The following CCNH variants were observed in gnomAD, a reference collection of about 807,000 sequenced individuals.
The protein encoded by CCNH is cyclin-H.
CCNH carries 31 observed loss-of-function variants against 41.9 expected under a neutral mutation model. The observed-to-expected ratio is 0.74, with a 90% CI of 0.56 to 1.00. The LOEUF (loss-of-function observed/expected upper bound fraction) is 1.00, where lower values mean the gene tolerates loss of function less well. Ranked by LOEUF, CCNH falls within the 50% of genes least tolerant of loss-of-function variation. CCNH has a pLI of 0.00. For synonymous variants in CCNH, 138 were observed against 136.1 expected (o/e 1.01, Z -0.10); for missense variants, 362 against 388.4 (o/e 0.93, Z 0.57).
downstream of CCNH, chr5:87,374,033 C>A (rs1761137758): frequency 1.3e-6 from 1 of 775,790 alleles, no homozygotes; most frequent in South Asian, 5.1e-5. Context: ...CCAAAGCTCA[C>A]ATTTTCTGAA....
intron 9 of CCNH, among the ~76,000 whole-genome samples, chr5:87,333,076 T>A (rs1332063378): frequency 6.6e-6 from 1 of 152,058 alleles, no homozygotes; most frequent in African/African-American, 2.4e-5. Flanking sequence ...TAAAATATGA[T>A]TTTCATAAAA....
At chr5:87,359,428 A>G (rs938199923) in intron 9 of CCNH, among the ~76,000 whole-genome samples, 11 of 152,336 alleles carry the variant, frequency 7.2e-5, no homozygotes, top group African/African-American at 2.6e-4. Context: ...GTTTTTGCCC[A>G]TAGCATCTTC....
chr5:87,376,117 A>G (rs976552093), downstream of CCNH: 7 of 473,732 alleles, frequency 1.5e-5, no homozygotes, highest in Middle Eastern at 6.0e-4. Context: ...CAGTGCTGAA[A>G]CATAATTGAT....
At chr5:87,337,334 AC>A (rs1228440604) in intron 9 of CCNH, among the ~76,000 whole-genome samples, 1 of 152,022 alleles carries the variant, frequency 6.6e-6, no homozygotes, top group African/African-American at 2.4e-5. Flanking sequence ...CAGAAAAAAA[AC>A]ATACATTCCT....
intron 9 of CCNH, among the ~76,000 whole-genome samples, chr5:87,365,234 T>G (rs1043198888): frequency 3.3e-5 from 5 of 152,126 alleles, no homozygotes; most frequent in African/African-American, 1.2e-4. Flanking sequence ...GTAGTAGAGA[T>G]ATTTAACAAA....
Position 87,349,450 on chromosome 5 carries a change from TAA to T in CCNH, c.*91-30555_*91-30554del, listed in dbSNP as rs1038333428. 42 of 1,438,774 alleles carry T rather than the reference TAA, an allele frequency of 2.9e-5. No individual in the cohort carries two copies. In the African/African-American group the frequency reaches 5.6e-4, roughly 19 times the overall value. 89.1% of individuals were successfully genotyped at this position (1,438,774 alleles called of 1,614,324 possible). ...TACAGTATTCAGAGTCAAAATTATA[TAA>T]AAGTTTCTAACTTCTAAAAATTATA... On this transcript the variant is annotated intron_variant and NMD_transcript_variant, in intron 9 of 9. Transcript: ENST00000645953.
intron 9 of CCNH, among the ~76,000 whole-genome samples, chr5:87,353,698 A>G (rs1165528995): frequency 1.3e-5 from 2 of 152,256 alleles, no homozygotes; most frequent in South Asian, 2.1e-4. Context: ...TGAAAACTGT[A>G]TAGTAGTAAA....
intron 9 of CCNH, among the ~76,000 whole-genome samples, chr5:87,335,277 CTT>C (rs753895669): frequency 2.6e-5 from 4 of 152,076 alleles, no homozygotes; most frequent in Non-Finnish European, 4.4e-5. Flanking sequence ...AGGAAGAAAA[CTT>C]AGTGTTTGTT....
chr5:87,358,882 TTGGA>T, intron 9 of CCNH, among the ~76,000 whole-genome samples: 1 of 152,304 alleles, frequency 6.6e-6, no homozygotes, highest in East Asian at 1.9e-4. Flanking sequence ...TTGTTTTCTC[TTGGA>T]TATCCACTAG....
chr5:87,311,575 C>T, the CCNH span, among the ~76,000 whole-genome samples: 2 of 152,198 alleles, frequency 1.3e-5, no homozygotes, highest in Non-Finnish European at 2.9e-5. Context: ...TAGATGCAAG[C>T]TTCCAGTTGC....
At chr5:87,345,149 G>A (rs1408761997) in intron 9 of CCNH, among the ~76,000 whole-genome samples, 1 of 152,072 alleles carries the variant, frequency 6.6e-6, no homozygotes, top group East Asian at 1.9e-4. Flanking sequence ...TGGCCTAGGA[G>A]TAGGAACTTT....
chr5:87,397,387 C>T (rs1035589896), intron 7 of CCNH, among the ~76,000 whole-genome samples: 1 of 151,884 alleles, frequency 6.6e-6, no homozygotes, highest in Non-Finnish European at 1.5e-5. Flanking sequence ...CTCGAACTCC[C>T]GACCTCAGGT....
At chr5:87,366,504 CAAGA>C (rs1430028974) in intron 9 of CCNH, 2 of 202,782 alleles carry the variant, frequency 9.9e-6, no homozygotes, top group African/African-American at 4.6e-5. Flanking sequence ...TGGTTAGTAA[CAAGA>C]AAGGAGTTTC....
At chr5:87,340,204 T>C (rs1489385562) in intron 9 of CCNH, among the ~76,000 whole-genome samples, 2 of 152,164 alleles carry the variant, frequency 1.3e-5, no homozygotes, top group African/African-American at 4.8e-5. Context: ...TGATTCATCT[T>C]TATGAGCTCA....
At chr5:87,386,727 G>A, downstream of CCNH, 1 of 966,836 alleles carries the variant, frequency 1.0e-6, no homozygotes. Context: ...AATAGTAATT[G>A]CAGTTTTTGC....
At position 87,353,064 on chromosome 5, in the gene CCNH, TTAGA is replaced by T. The variant is rs1451434781; in HGVS notation, c.*91-34171_*91-34168del. 12 of 959,222 alleles carry T rather than the reference TTAGA, an allele frequency of 1.3e-5. No individual in the cohort carries two copies. In the South Asian group the frequency reaches 1.3e-4, roughly 10 times the overall value. The allele number at this position is 959,222 out of a possible 1,614,324, so 59.4% of individuals were successfully genotyped here. On this transcript the variant is annotated intron_variant and NMD_transcript_variant, in intron 9 of 9. Transcript: ENST00000645953. ...ATGTGCTTTGAAAAAAATTTGCTAATTAGATAATCCTTGGCAAGAAAGTTTACAC... is the reference window on the plus strand; with the variant it reads ...ATGTGCTTTGAAAAAAATTTGCTAATTAATCCTTGGCAAGAAAGTTTACAC...
upstream of CCNH, among the ~76,000 whole-genome samples, chr5:87,379,160 T>C (rs1284094558): frequency 6.6e-6 from 1 of 152,196 alleles, no homozygotes; most frequent in African/African-American, 2.4e-5. Flanking sequence ...ATGTTAATCC[T>C]GCACGAAGGT....
rs942880274 is a variant in CCNH, at chr5:87,331,048, A to T, written c.*91-12151T>A. On this transcript the variant is annotated intron_variant and NMD_transcript_variant, in intron 9 of 9. Transcript: ENST00000645953. The stretch of plus-strand genomic sequence containing the variant: ...TTCTAAGTAAAGATCTGGTTGCAGT[A>T]GTGTTTATATTTTGAATAGCAGGCA... The T allele has an allele frequency of 3.2e-6, 4 of 1,254,546 alleles. No homozygotes were observed. The African/African-American group carries it at 4.6e-5, about 14-fold the overall frequency. The allele number at this position is 1,254,546 out of a possible 1,614,324, so 77.7% of individuals were successfully genotyped here.
At chr5:87,390,654 TA>T, downstream of CCNH, 2 of 724,096 alleles carry the variant, frequency 2.8e-6, no homozygotes, top group Non-Finnish European at 5.0e-6. Context: ...AATGACTGAA[TA>T]ATAGAGACTT....
Sources: gnomAD v4.1 joint callset for allele counts (sites outside exome capture counted in the v4.1 genomes callset) on GRCh38, gnomAD v4.1.1 for gene constraint, MANE v1.5 for transcripts, NCBI Gene and HGNC (gene_info 2026-07-23, HGNC 2026-07-21) for gene names.